The following NINJ2 variants were observed in gnomAD, a reference collection of about 807,000 sequenced individuals.
NINJ2 encodes ninjurin 2.
Under a neutral mutation model 11.7 loss-of-function variants are expected in NINJ2, and 12 were observed. The ratio of observed to expected loss-of-function variants is 1.02; its 90% CI spans 0.66 to 1.66. NINJ2 has a LOEUF of 1.66. Among genes scored for constraint, NINJ2 ranks in the 40% most tolerant of loss-of-function variants. The pLI is 0.00. For missense variants in NINJ2, 187 were observed against 181.8 expected, an observed-to-expected ratio of 1.03 and a Z score of -0.16; for synonymous variants, 93 against 76.8, an observed-to-expected ratio of 1.21 and a Z score of -1.10.
rs981701234 is a variant in NINJ2, at chr12:564,625, G to A, written c.*75C>T. On this transcript the variant is annotated 3_prime_UTR_variant, in exon 4 of 4. Coordinates refer to ENST00000305108, the MANE Select transcript of NINJ2 (RefSeq NM_016533.6). ...CAGAAGCTCTCCTGGGCTGTGGAAA[G>A]TGCCCACGAGCCTGGCAGATCACGG... The A allele has an allele frequency of 4.6e-5, 7 of 152,376 alleles. No homozygotes were observed. Among genetic ancestry groups the A allele is most frequent in the African/African-American group, 1.7e-4 (7 of 41,462 alleles). 9.4% of individuals were successfully genotyped at this position (152,376 alleles called of 1,614,324 possible).
In NINJ2 at chr12:572,850, AT is replaced by A. The variant is rs539715060; in HGVS notation, c.34-6673del. ...AATCCTCTATGTGCCAGAGCCTGTA[AT>A]TTTTTTTTTTTTTTTTTTTTTTGAG... On this transcript the variant is annotated intron_variant, in intron 1 of 3. Coordinates refer to ENST00000305108, the MANE Select transcript of NINJ2 (RefSeq NM_016533.6). 2.2e-3 allele frequency among the ~76,000 whole-genome samples: 214 copies of A among 96,138 alleles called. 1 individual carries two copies. The highest frequency in any genetic ancestry group is 4.2e-3 in the East Asian group (14 of 3,302). The allele number at this position is 96,138 out of a possible 152,430, so 63.1% of individuals were successfully genotyped here.
In NINJ2 at chr12:581,165, GTGTGTGTGTGTC is replaced by G. The variant is rs1269562834; in HGVS notation, c.34-14999_34-14988del. Reference sequence around the variant, plus strand: ...TGTGTGTGTGCATGTGTCTCTGTGTGTGTGTGTGTGTCTGTGTGTGTGTCTGTCTCTGTGTGC... The same window carrying G: ...TGTGTGTGTGCATGTGTCTCTGTGTGTGTGTGTGTGTCTGTCTCTGTGTGC... On this transcript the variant is annotated intron_variant, in intron 1 of 3. Coordinates refer to ENST00000305108, the MANE Select transcript of NINJ2 (RefSeq NM_016533.6). This position sits in a 1 kb window ranked among gnomAD's most constrained non-coding sequence, Gnocchi z 4.9. Among the ~76,000 whole-genome samples, 9 of 151,638 alleles carry G rather than the reference GTGTGTGTGTGTC, an allele frequency of 5.9e-5. No homozygotes were observed. The highest frequency in any genetic ancestry group is 1.9e-4 in the African/African-American group (8 of 41,298).
At chr12:600,159 T>G (rs1394189461) in intron 1 of NINJ2, among the ~76,000 whole-genome samples, 1 of 152,182 alleles carries the variant, frequency 6.6e-6, no homozygotes, top group Non-Finnish European at 1.5e-5. Context: ...TGGGAGGTCC[T>G]TGCAGCTGAG....
In NINJ2 at chr12:655,964, G is replaced by T. The variant is rs1937866951; in HGVS notation, c.33+7364C>A. On this transcript the variant is annotated intron_variant, in intron 1 of 3. Transcript: ENST00000305108. The stretch of plus-strand genomic sequence containing the variant: ...TAAATATAAAATAAATAGATAGATA[G>T]ATATTCCATGTTTATGGATAAGAGG... Among the ~76,000 whole-genome samples the T allele has an allele frequency of 1.3e-5, 2 of 151,844 alleles. 1 individual carries two copies. Among genetic ancestry groups the T allele is most frequent in the South Asian group, 4.2e-4 (2 of 4,806 alleles).
At chr12:572,396 G>A (rs543084913) in intron 1 of NINJ2, among the ~76,000 whole-genome samples, 8 of 152,356 alleles carry the variant, frequency 5.3e-5, no homozygotes, top group Admixed American at 2.0e-4. Context: ...CCGACTGCCC[G>A]GGAAAGCCAG....
chr12:593,666 G>A (rs752941629), intron 1 of NINJ2, among the ~76,000 whole-genome samples: 1 of 152,246 alleles, frequency 6.6e-6, no homozygotes, highest in Non-Finnish European at 1.5e-5. Flanking sequence ...AGTGAACCGT[G>A]AGTGTGCCAC....
rs1947316117 is a variant in NINJ2, at chr12:567,405, T to C, written c.34-1227A>G. ...TTAAACACTCGTAATTTGTTTTTAATTTTTTTGGCTAGGATTTATTGAAGC... is the reference window on the plus strand; with the variant it reads ...TTAAACACTCGTAATTTGTTTTTAACTTTTTTGGCTAGGATTTATTGAAGC... On this transcript the variant is annotated intron_variant, in intron 1 of 3. Transcript: ENST00000305108. 1.3e-5 allele frequency among the ~76,000 whole-genome samples: 2 copies of C among 152,184 alleles called. 1 individual carries two copies. The highest frequency in any genetic ancestry group is 4.1e-4 in the South Asian group (2 of 4,832).
intron 1 of NINJ2, among the ~76,000 whole-genome samples, chr12:609,770 C>CAAAAAAAAAAAAAAAAAA (rs1185755822): frequency 1.5e-4 from 13 of 88,776 alleles, no homozygotes; most frequent in Middle Eastern, 6.9e-3. Context: ...GACTCTGCCT[C>CAAAAAAAAAAAAAAAAAA]AAAAAAAAAA....
chr12:611,177 CTTTT>C (rs1190984338), intron 1 of NINJ2, among the ~76,000 whole-genome samples: 1 of 149,176 alleles, frequency 6.7e-6, no homozygotes, highest in Admixed American at 6.7e-5. Flanking sequence ...TTCTTTCCTT[CTTTT>C]CTTTCCTCCT....
rs560143372 is a variant in NINJ2, at chr12:601,863, G to A, written c.34-35685C>T. ...AGCCAAGATCAGCCTGAGCGATAGAGTGCGACTCTGTGTCAAAAAAATAAA... is the reference window on the plus strand; with the variant it reads ...AGCCAAGATCAGCCTGAGCGATAGAATGCGACTCTGTGTCAAAAAAATAAA... On this transcript the variant is annotated intron_variant, in intron 1 of 3. Coordinates refer to ENST00000305108, the MANE Select transcript of NINJ2 (RefSeq NM_016533.6). Among the ~76,000 whole-genome samples the A allele has an allele frequency of 2.4e-3, 363 of 152,334 alleles. 2 individuals are homozygous for A. Among genetic ancestry groups the A allele is most frequent in the South Asian group, 0.02 (94 of 4,820 alleles).
intron 1 of NINJ2, among the ~76,000 whole-genome samples, chr12:588,462 A>T (rs1283710976): frequency 6.6e-6 from 1 of 152,166 alleles, no homozygotes; most frequent in African/African-American, 2.4e-5. Flanking sequence ...TTCATGTCAA[A>T]CCCTGCACAG....
intron 1 of NINJ2, among the ~76,000 whole-genome samples, chr12:579,510 CAAACA>C (rs55989841): frequency 0.38 from 57,614 of 151,428 alleles, 11,813 homozygotes; most frequent in African/African-American, 0.51. Context: ...CAAAACAAAA[CAAACA>C]AAACAAAACA....
intron 1 of NINJ2, among the ~76,000 whole-genome samples, chr12:604,589 G>T (rs1261645585): frequency 4.6e-5 from 7 of 152,166 alleles, no homozygotes; most frequent in Admixed American, 6.5e-5. Context: ...AGTGAGCTGA[G>T]ATGGCGCCAC....
Position 629,743 on chromosome 12 carries a change from C to G in NINJ2, c.33+33585G>C, listed in dbSNP as rs193255876. On this transcript the variant is annotated intron_variant, in intron 1 of 3. Coordinates refer to ENST00000305108, the MANE Select transcript of NINJ2 (RefSeq NM_016533.6). ...TCTCTACTAAAAATGCAAAATTAAC[C>G]AGGCCTGGTGGCGCATGCCTGTAAT... 4.4e-3 allele frequency among the ~76,000 whole-genome samples: 661 copies of G among 150,652 alleles called. 1 individual carries two copies. The highest frequency in any genetic ancestry group is 6.2e-3 in the Non-Finnish European group (418 of 67,524).
At chr12:632,260 A>T (rs1414212585) in intron 1 of NINJ2, 1 of 152,228 alleles carries the variant, frequency 6.6e-6, no homozygotes, top group Non-Finnish European at 1.5e-5. Context: ...AAGTAGAATC[A>T]GAGATTCCAT....
intron 1 of NINJ2, among the ~76,000 whole-genome samples, chr12:616,564 G>A (rs1430971774): frequency 5.9e-5 from 9 of 152,202 alleles, no homozygotes; most frequent in Non-Finnish European, 1.0e-4. Context: ...GGGTAATGAC[G>A]GTGACAGTGC....
At chr12:610,683 C>G in intron 1 of NINJ2, 1 of 943,208 alleles carries the variant, frequency 1.1e-6, no homozygotes. Context: ...CCTTGTTTAG[C>G]AGAACTGGGC....
intron 1 of NINJ2, among the ~76,000 whole-genome samples, chr12:646,958 G>A (rs964251705): frequency 4.6e-5 from 7 of 152,138 alleles, no homozygotes; most frequent in Admixed American, 1.3e-4. Context: ...TCAGAGACTC[G>A]CTGTTCCAGG....
chr12:611,488 C>G (rs1463845510), intron 1 of NINJ2, among the ~76,000 whole-genome samples: 1 of 152,172 alleles, frequency 6.6e-6, no homozygotes, highest in Non-Finnish European at 1.5e-5. Context: ...CAAGGGCACA[C>G]CACCACACCC....
Sources: allele counts gnomAD v4.1 joint callset (sites outside exome capture counted in the v4.1 genomes callset), GRCh38; gene constraint gnomAD v4.1.1; non-coding constraint Gnocchi (gnomAD v3.1); transcripts MANE v1.5; gene names NCBI Gene and HGNC (gene_info 2026-07-23, HGNC 2026-07-21).